SNAP25: variants seen among roughly 807,000 people sequenced by gnomAD.
SNAP25 encodes synaptosome associated protein 25.
Under a neutral mutation model 28.7 loss-of-function variants are expected in SNAP25, and 3 were observed. The ratio of observed to expected loss-of-function variants is 0.10; its 90% CI spans 0.05 to 0.27. The LOEUF (loss-of-function observed/expected upper bound fraction) is 0.27, where lower values mean the gene tolerates loss of function less well. Among genes scored for constraint, SNAP25 ranks in the 10% least tolerant of loss-of-function variants. SNAP25 has a pLI of 1.00. For synonymous variants in SNAP25, 61 were observed against 88.1 expected (o/e 0.69, Z 1.72); for missense variants, 117 against 278.7 (o/e 0.42, Z 4.13).
chr20:10,276,089 T>A (rs1307340141), intron 2 of SNAP25, among the ~76,000 whole-genome samples: 1 of 152,206 alleles, frequency 6.6e-6, no homozygotes, highest in African/African-American at 2.4e-5. Flanking sequence ...AGGGTGGAAA[T>A]AAGGTATAAT....
rs363034 is a variant in SNAP25 at position 10,238,167 on chromosome 20, G to A, written c.-64+19190G>A. Reference sequence around the variant, plus strand: ...ACCCACCCACCCATGATCTGGTCTCGTTCCACCCACACATGGCAGGTGCTT... The same window carrying A: ...ACCCACCCACCCATGATCTGGTCTCATTCCACCCACACATGGCAGGTGCTT... On this transcript the variant is annotated intron_variant, in intron 1 of 7. Coordinates refer to ENST00000254976, the MANE Select transcript of SNAP25 (RefSeq NM_130811.4). Among the ~76,000 whole-genome samples, 38 of 152,154 alleles carry A rather than the reference G, an allele frequency of 2.5e-4. No individual in the cohort carries two copies. In the East Asian group the frequency reaches 5.6e-3, roughly 22 times the overall value.
chr20:10,232,360 G>C (rs2062843250), intron 1 of SNAP25, among the ~76,000 whole-genome samples: 1 of 152,222 alleles, frequency 6.6e-6, no homozygotes. Context: ...TGATTTCCAT[G>C]CTGGAACCAC....
intron 1 of SNAP25, among the ~76,000 whole-genome samples, chr20:10,255,637 AT>A (rs745882126): frequency 1.3e-5 from 2 of 152,360 alleles, no homozygotes; most frequent in East Asian, 1.9e-4. Context: ...CTCATTAAAA[AT>A]ATTAGTAGGC....
intron 7 of SNAP25, among the ~76,000 whole-genome samples, chr20:10,305,748 GAAGTGTAATTC>G (rs2064340148): frequency 6.6e-6 from 1 of 152,104 alleles, no homozygotes; most frequent in South Asian, 2.1e-4. Flanking sequence ...TACAGTATAA[GAAGTGTAATTC>G]AACTTGGTCC....
chr20:10,300,604 T>C (rs1341321540), intron 7 of SNAP25, among the ~76,000 whole-genome samples: 1 of 152,206 alleles, frequency 6.6e-6, no homozygotes, highest in African/African-American at 2.4e-5. Flanking sequence ...TTTCTTGGTA[T>C]GCAAGCAACC....
chr20:10,253,144 G>C (rs2122825328), intron 1 of SNAP25, among the ~76,000 whole-genome samples: 1 of 152,308 alleles, frequency 6.6e-6, no homozygotes, highest in East Asian at 1.9e-4. Context: ...GAGACCCTAA[G>C]GACACTCAGA....
At chr20:10,233,671 T>A (rs192911553) in intron 1 of SNAP25, among the ~76,000 whole-genome samples, 5 of 152,292 alleles carry the variant, frequency 3.3e-5, no homozygotes, top group African/African-American at 1.2e-4. Context: ...GTGGAAGAAC[T>A]GGGCCAAATA....
intron 1 of SNAP25, among the ~76,000 whole-genome samples, chr20:10,260,577 A>G (rs1352052222): frequency 6.6e-6 from 1 of 152,146 alleles, no homozygotes; most frequent in East Asian, 1.9e-4. Context: ...TACATCAGCA[A>G]TCTGAGTTTT....
chr20:10,263,193 G>T (rs1247545600), intron 1 of SNAP25, among the ~76,000 whole-genome samples: 1 of 151,720 alleles, frequency 6.6e-6, no homozygotes, highest in Non-Finnish European at 1.5e-5. Context: ...TAATTTTTTT[G>T]TATTTTTGGT....
intron 1 of SNAP25, among the ~76,000 whole-genome samples, chr20:10,232,197 T>C (rs985691781): frequency 1.3e-5 from 2 of 152,180 alleles, no homozygotes; most frequent in African/African-American, 2.4e-5. Flanking sequence ...AACATACACA[T>C]GCGATTTGTA....
chr20:10,247,798 G>T (rs2122782496), intron 1 of SNAP25, among the ~76,000 whole-genome samples: 1 of 152,316 alleles, frequency 6.6e-6, no homozygotes, highest in East Asian at 1.9e-4. Flanking sequence ...ATACTCAGTA[G>T]GTCAGTTAGC....
At chr20:10,221,822 C>T (rs117821889) in intron 1 of SNAP25, among the ~76,000 whole-genome samples, 4 of 152,312 alleles carry the variant, frequency 2.6e-5, no homozygotes, top group Non-Finnish European at 5.9e-5. Flanking sequence ...CTAGAAGCTG[C>T]GTAAGCAGTC....
intron 1 of SNAP25, among the ~76,000 whole-genome samples, chr20:10,271,941 A>G (rs1266805095): frequency 6.6e-6 from 1 of 152,132 alleles, no homozygotes; most frequent in Admixed American, 6.5e-5. Flanking sequence ...AGCAAAATAT[A>G]AAGATGGAGC....
At chr20:10,240,602 C>A (rs868698509) in intron 1 of SNAP25, among the ~76,000 whole-genome samples, 1 of 152,178 alleles carries the variant, frequency 6.6e-6, no homozygotes, top group South Asian at 2.1e-4. Flanking sequence ...TCCATGCCTC[C>A]CTCCAAGGCT....
At position 10,275,418 on chromosome 20, in the gene SNAP25, C is replaced by A; in HGVS notation, c.-63-11C>A. The A allele has an allele frequency of 4.4e-6, 6 of 1,356,554 alleles. No homozygotes were observed. Among genetic ancestry groups the A allele is most frequent in the Non-Finnish European group, 6.1e-6 (6 of 986,174 alleles). 84.0% of individuals were successfully genotyped at this position (1,356,554 alleles called of 1,614,324 possible). A position where few individuals can be genotyped will look rare whatever the true frequency, so the allele number is the denominator to read the frequency against. The stretch of plus-strand genomic sequence containing the variant: ...ATAAGCTCTCATATTTTCATATCTA[C>A]TTCTTCCCAGGTCCAGAGCCAAACC... On this transcript the variant is annotated splice_polypyrimidine_tract_variant and intron_variant, in intron 1 of 7. Coordinates refer to ENST00000254976, the MANE Select transcript of SNAP25 (RefSeq NM_130811.4).
intron 1 of SNAP25, among the ~76,000 whole-genome samples, chr20:10,272,957 C>A (rs919550458): frequency 6.6e-6 from 1 of 152,128 alleles, no homozygotes; most frequent in Non-Finnish European, 1.5e-5. Context: ...AGTATGATTT[C>A]TCCTTTTTCA....
intron 3 of SNAP25, among the ~76,000 whole-genome samples, chr20:10,280,790 A>G (rs2063765830): frequency 6.6e-6 from 1 of 152,218 alleles, no homozygotes; most frequent in Non-Finnish European, 1.5e-5. Flanking sequence ...AGAATGTTTT[A>G]GCATCCTTCT....
intron 1 of SNAP25, 21 bp downstream of exon 1, chr20:10,218,998 G>C (rs1490552316): frequency 6.6e-6 from 1 of 152,196 alleles, no homozygotes; most frequent in African/African-American, 2.4e-5. Context: ...CCCTCCCCAG[G>C]TCGTGGCTCT....
intron 3 of SNAP25, among the ~76,000 whole-genome samples, chr20:10,282,475 GC>G (rs2063798818): frequency 6.6e-6 from 1 of 152,122 alleles, no homozygotes; most frequent in Admixed American, 6.5e-5. Flanking sequence ...AAAAACTCTT[GC>G]TCCCTCAAAT....
Sources: allele counts gnomAD v4.1 joint callset (sites outside exome capture counted in the v4.1 genomes callset), GRCh38; gene constraint gnomAD v4.1.1; transcripts MANE v1.5; gene names NCBI Gene and HGNC (gene_info 2026-07-23, HGNC 2026-07-21).